BAALC: variants seen among roughly 807,000 people sequenced by gnomAD.
BAALC encodes brain and acute leukemia cytoplasmic protein.
In BAALC, 9 loss-of-function variants were observed where a neutral mutation model predicts 15.5. That is an observed-to-expected ratio of 0.58 (90% CI 0.35 to 1.02). The LOEUF (loss-of-function observed/expected upper bound fraction) is 1.02. BAALC is among the 50% of genes least tolerant of loss of function. The probability of loss-of-function intolerance (pLI) is 0.02; values close to 1 mark genes in which losing one functional copy is unlikely to be tolerated. For synonymous variants in BAALC, 80 were observed against 74.6 expected (o/e 1.07, Z -0.37); for missense variants, 201 against 192.4 (o/e 1.04, Z -0.27).
chr8:103,196,235 A>G (rs1174580228), intron 1 of BAALC, among the ~76,000 whole-genome samples: 2 of 152,154 alleles, frequency 1.3e-5, no homozygotes, highest in African/African-American at 2.4e-5. Flanking sequence ...TAAGAAGTCT[A>G]TGAAGAGGTA....
chr8:103,201,025 T>G lies in BAALC; in HGVS notation c.161-11894T>G, dbSNP rs1220078442. ...CTAAAGTGAAGGCCATCAAGCATCCTATCGTACTAGGTACCTTTGGAGCAG... is the reference window on the plus strand; with the variant it reads ...CTAAAGTGAAGGCCATCAAGCATCCGATCGTACTAGGTACCTTTGGAGCAG... On this transcript the variant is annotated intron_variant, in intron 1 of 2. Transcript: ENST00000309982. 2.6e-5 allele frequency among the ~76,000 whole-genome samples: 4 copies of G among 152,132 alleles called. No individual in the cohort carries two copies. In the East Asian group the frequency reaches 7.7e-4, roughly 29 times the overall value.
intron 1 of BAALC, chr8:103,198,124 G>C (rs1812136342): frequency 1.4e-6 from 1 of 701,962 alleles, no homozygotes; most frequent in Admixed American, 2.0e-5. Flanking sequence ...ATTACCATCT[G>C]ACTGCCCTAC....
At chr8:103,201,146 T>C (rs914355501) in intron 1 of BAALC, among the ~76,000 whole-genome samples, 3 of 152,018 alleles carry the variant, frequency 2.0e-5, no homozygotes, top group Non-Finnish European at 4.4e-5. Flanking sequence ...GGGAAAATTG[T>C]CTGGATATGT....
chr8:103,144,422 A>T (rs190215607), intron 1 of BAALC, among the ~76,000 whole-genome samples: 117 of 152,314 alleles, frequency 7.7e-4, no homozygotes, highest in African/African-American at 2.7e-3. Context: ...TTCCTGTGTC[A>T]CCAAAGTCTG....
At chr8:103,220,480 T>G (rs1812653169) in intron 2 of BAALC, among the ~76,000 whole-genome samples, 1 of 152,248 alleles carries the variant, frequency 6.6e-6, no homozygotes, top group Non-Finnish European at 1.5e-5. Flanking sequence ...GTGTTCATGG[T>G]CAAATTATTT....
chr8:103,230,276 G>T lies in BAALC; in HGVS notation c.*2177G>T, dbSNP rs545900780. ...GATACCACTTTTCATTGCAAAGTTT[G>T]TGTCAATAAAGTCATTAATTTTAAA... On this transcript the variant is annotated 3_prime_UTR_variant, in exon 3 of 3. Coordinates refer to ENST00000309982, the MANE Select transcript of BAALC (RefSeq NM_024812.3). The T allele has an allele frequency of 2.0e-4, 31 of 152,278 alleles. No individual in the cohort carries two copies. The highest frequency in any genetic ancestry group is 7.0e-4 in the African/African-American group (29 of 41,550). 9.4% of individuals were successfully genotyped at this position (152,278 alleles called of 1,614,324 possible).
chr8:103,194,043 CA>C (rs1445052978), intron 1 of BAALC, among the ~76,000 whole-genome samples: 1 of 152,150 alleles, frequency 6.6e-6, no homozygotes, highest in African/African-American at 2.4e-5. Flanking sequence ...GAAAAAATAT[CA>C]AAAAGCAAGT....
At chr8:103,176,607 C>T (rs1811612066) in intron 1 of BAALC, among the ~76,000 whole-genome samples, 1 of 152,154 alleles carries the variant, frequency 6.6e-6, no homozygotes, top group African/African-American at 2.4e-5. Flanking sequence ...TCTAATTTTT[C>T]TCATTGTACC....
intron 2 of BAALC, among the ~76,000 whole-genome samples, chr8:103,227,277 A>C (rs1197669949): frequency 6.6e-6 from 1 of 152,076 alleles, no homozygotes; most frequent in African/African-American, 2.4e-5. Context: ...AAATCTCAGG[A>C]CCCCAAACTC....
At chr8:103,156,621 A>C (rs1462095466) in intron 1 of BAALC, among the ~76,000 whole-genome samples, 2 of 152,192 alleles carry the variant, frequency 1.3e-5, no homozygotes, top group African/African-American at 2.4e-5. Context: ...AGACGGTGGA[A>C]TGTTCTTCTA....
At chr8:103,143,566 A>C (rs542629906) in intron 1 of BAALC, among the ~76,000 whole-genome samples, 1 of 152,150 alleles carries the variant, frequency 6.6e-6, no homozygotes, top group South Asian at 2.1e-4. Flanking sequence ...GAGTCAAATG[A>C]GACTCTCAGG....
chr8:103,150,297 A>C (rs904498314), intron 1 of BAALC, among the ~76,000 whole-genome samples: 1 of 151,962 alleles, frequency 6.6e-6, no homozygotes, highest in Non-Finnish European at 1.5e-5. Flanking sequence ...TTGGGTGGGG[A>C]CACAGCCAAA....
intron 1 of BAALC, among the ~76,000 whole-genome samples, chr8:103,155,536 G>T (rs1047996574): frequency 6.6e-6 from 1 of 152,200 alleles, no homozygotes; most frequent in African/African-American, 2.4e-5. Flanking sequence ...TAGCAAGTAG[G>T]TGTGACCTTG....
At chr8:103,226,618 G>A (rs1032431379) in intron 2 of BAALC, among the ~76,000 whole-genome samples, 1 of 152,208 alleles carries the variant, frequency 6.6e-6, no homozygotes, top group Non-Finnish European at 1.5e-5. Flanking sequence ...TTCTCTTTTA[G>A]GGGATGGAGA....
At position 103,228,985 on chromosome 8, in the gene BAALC, G is replaced by T; in HGVS notation, c.*886G>T. 6.6e-6 allele frequency: 1 copy of T among 152,504 alleles called. No individual in the cohort carries two copies. The allele number at this position is 152,504 out of a possible 1,614,324, so 9.4% of individuals were successfully genotyped here. On this transcript the variant is annotated 3_prime_UTR_variant, in exon 3 of 3. Coordinates refer to ENST00000309982, the MANE Select transcript of BAALC (RefSeq NM_024812.3). The stretch of plus-strand genomic sequence containing the variant: ...CAAAGATTGAACACTGCGTAGGAGA[G>T]GGAGATGATCCAGAGACATGTGGCA...
At chr8:103,162,803 C>T (rs764333409) in intron 1 of BAALC, among the ~76,000 whole-genome samples, 4 of 152,030 alleles carry the variant, frequency 2.6e-5, no homozygotes, top group Non-Finnish European at 5.9e-5. Context: ...CAAGTTAGCC[C>T]GTCACAGTTT....
intron 1 of BAALC, among the ~76,000 whole-genome samples, chr8:103,196,368 C>T (rs528125578): frequency 2.0e-5 from 3 of 152,296 alleles, no homozygotes; most frequent in Non-Finnish European, 4.4e-5. Flanking sequence ...GCAACCTCCA[C>T]CTCCCAGGTT....
intron 1 of BAALC, among the ~76,000 whole-genome samples, chr8:103,181,011 G>A (rs1811714725): frequency 6.6e-6 from 1 of 152,130 alleles, no homozygotes; most frequent in African/African-American, 2.4e-5. Flanking sequence ...CCTTTCTCTG[G>A]GATATAAGAT....
At chr8:103,165,914 C>T (rs1267538345) in intron 1 of BAALC, 1 of 152,188 alleles carries the variant, frequency 6.6e-6, no homozygotes, top group Non-Finnish European at 1.5e-5. Context: ...GCTGAGGACT[C>T]GGCCAGTGCT....
Sources: allele counts gnomAD v4.1 joint callset (sites outside exome capture counted in the v4.1 genomes callset), GRCh38; gene constraint gnomAD v4.1.1; transcripts MANE v1.5; gene names NCBI Gene and HGNC (gene_info 2026-07-23, HGNC 2026-07-21).